CCN4: variants seen among roughly 807,000 people sequenced by gnomAD.
CCN4 encodes cellular communication network factor 4.
A neutral mutation model predicts 36.7 loss-of-function variants in CCN4; 30 were observed. The ratio of observed to expected loss-of-function variants is 0.82; its 90% CI spans 0.61 to 1.11. The LOEUF is 1.11. Ranked by LOEUF, CCN4 falls within the 50% of genes least tolerant of loss-of-function variation. The pLI, the probability that CCN4 is intolerant of heterozygous loss-of-function variation, is 0.00. For missense variants in CCN4, 505 were observed against 504.9 expected (o/e 1.00, Z 0.00); for synonymous variants, 191 against 195.4 (o/e 0.98, Z 0.19).
chr8:133,216,507 C>G (rs1218624166), intron 2 of CCN4, among the ~76,000 whole-genome samples: 1 of 152,148 alleles, frequency 6.6e-6, no homozygotes, highest in Non-Finnish European at 1.5e-5. Flanking sequence ...AATCCAGGTA[C>G]ATAGATTTGT....
chr8:133,227,031 G>T (rs1564268994), intron 4 of CCN4, among the ~76,000 whole-genome samples: 1 of 152,202 alleles, frequency 6.6e-6, no homozygotes, highest in Non-Finnish European at 1.5e-5. Context: ...TGAGTGTGGA[G>T]TCCCGATGCC....
At chr8:133,216,380 A>G (rs761158388) in intron 2 of CCN4, among the ~76,000 whole-genome samples, 1 of 152,148 alleles carries the variant, frequency 6.6e-6, no homozygotes, top group Non-Finnish European at 1.5e-5. Flanking sequence ...TATGATGGGG[A>G]CAATGGCAAT....
intron 1 of CCN4, among the ~76,000 whole-genome samples, chr8:133,202,036 A>C (rs759439278): frequency 1.3e-5 from 2 of 152,216 alleles, no homozygotes; most frequent in African/African-American, 4.8e-5. Flanking sequence ...ATTTGTGTAC[A>C]GTATTCAGTG....
At chr8:133,212,815 G>A (rs768508798) in intron 1 of CCN4, 49 bp from the exon 2 acceptor site, 1 of 1,434,706 alleles carries the variant, frequency 7.0e-7, no homozygotes, top group Non-Finnish European at 9.4e-7. Context: ...TTTGGGCGTT[G>A]AAACCCCTGT....
chr8:133,212,610 T>TG (rs958309340), intron 1 of CCN4, among the ~76,000 whole-genome samples: 2 of 152,032 alleles, frequency 1.3e-5, no homozygotes, highest in Admixed American at 6.5e-5. Flanking sequence ...GGGTCTGAGG[T>TG]GGAATTTGGG....
intron 1 of CCN4, among the ~76,000 whole-genome samples, chr8:133,197,095 T>C (rs997343899): frequency 4.0e-5 from 6 of 150,652 alleles, no homozygotes; most frequent in African/African-American, 7.4e-5. Context: ...ATGATGATGG[T>C]GGTGGTGGTG....
chr8:133,223,511 A>G (rs1231679888), intron 3 of CCN4, among the ~76,000 whole-genome samples: 1 of 151,896 alleles, frequency 6.6e-6, no homozygotes, highest in Non-Finnish European at 1.5e-5. Context: ...GAACTGACTT[A>G]CCTTTCCTCT....
At chr8:133,206,485 CT>C (rs78276681) in intron 1 of CCN4, among the ~76,000 whole-genome samples, 2 of 152,160 alleles carry the variant, frequency 1.3e-5, no homozygotes, top group African/African-American at 4.8e-5. Context: ...TCCCCCACTC[CT>C]TTTTTTGGGG....
At chr8:133,226,905 T>A (rs191630723) in intron 4 of CCN4, among the ~76,000 whole-genome samples, 1 of 152,236 alleles carries the variant, frequency 6.6e-6, no homozygotes, top group East Asian at 1.9e-4. Context: ...CATAGCCCAG[T>A]GGAAGGTAGC....
intron 1 of CCN4, among the ~76,000 whole-genome samples, chr8:133,207,992 C>CTTTTTTTTT (rs1162959238): frequency 1.2e-5 from 1 of 84,586 alleles, no homozygotes; most frequent in African/African-American, 3.4e-5. Flanking sequence ...TACCTTTCAG[C>CTTTTTTTTT]TGTTTTTTTT....
intron 1 of CCN4, among the ~76,000 whole-genome samples, chr8:133,204,505 A>T (rs1483353844): frequency 6.6e-6 from 1 of 152,254 alleles, no homozygotes; most frequent in Non-Finnish European, 1.5e-5. Context: ...TTGCTGGTCA[A>T]ACTGCTACGG....
chr8:133,191,241 G>T, intron 1 of CCN4, 28 bp downstream of exon 1: 1 of 1,597,384 alleles, frequency 6.3e-7, no homozygotes. Context: ...GGGCTCAGAG[G>T]GAGACCCAGC....
chr8:133,192,950 G>A (rs1853169255), intron 1 of CCN4, among the ~76,000 whole-genome samples: 1 of 152,192 alleles, frequency 6.6e-6, no homozygotes, highest in African/African-American at 2.4e-5. Context: ...ACCAGCACAA[G>A]GTACCTCTCT....
chr8:133,196,081 C>G (rs1355597814), intron 1 of CCN4, among the ~76,000 whole-genome samples: 1 of 152,238 alleles, frequency 6.6e-6, no homozygotes, highest in Non-Finnish European at 1.5e-5. Flanking sequence ...GCACAGCTGT[C>G]CCCTCATTCA....
intron 2 of CCN4, among the ~76,000 whole-genome samples, chr8:133,215,047 A>T (rs535492300): frequency 6.6e-6 from 1 of 152,330 alleles, no homozygotes; most frequent in South Asian, 2.1e-4. Context: ...TCTGTGAATA[A>T]CCATCCCACT....
Position 133,212,983 on chromosome 8 carries a change from G to A in CCN4, c.189G>A (p.Pro63=), listed in dbSNP as rs1236323552. The A allele has an allele frequency of 7.4e-6, 12 of 1,613,888 alleles. No individual in the cohort carries two copies. The highest frequency in any genetic ancestry group is 9.3e-6 in the Non-Finnish European group (11 of 1,179,982). The change falls in exon 2 of 5, where the codon CCG becomes CCA. Residue 63 remains proline (P), a synonymous_variant. Transcript: ENST00000250160. ...GCCCGCCATCCCCACCCCGCTGCCC[G>A]CTGGGGGTCAGCCTCATCACAGATG... ...CECPPSPPRC[P]LGVSLITDGC...
chr8:133,224,791 G>C (rs756388637), intron 3 of CCN4, among the ~76,000 whole-genome samples: 3 of 151,896 alleles, frequency 2.0e-5, no homozygotes, highest in Non-Finnish European at 2.9e-5. Context: ...AAAATTAGCC[G>C]GGCATGGTGG....
intron 1 of CCN4, among the ~76,000 whole-genome samples, chr8:133,197,206 T>C (rs1273235361): frequency 1.3e-5 from 2 of 152,098 alleles, no homozygotes; most frequent in East Asian, 1.9e-4. Context: ...CCTTTTTCCA[T>C]GGACCCCAAC....
chr8:133,220,885 G>A, intron 3 of CCN4, 44 bp downstream of exon 3: 1 of 1,564,488 alleles, frequency 6.4e-7, no homozygotes, highest in Non-Finnish European at 8.7e-7. Flanking sequence ...CCCTACAAAT[G>A]GGTTGTGGAC....
Sources: allele counts gnomAD v4.1 joint callset (sites outside exome capture counted in the v4.1 genomes callset), GRCh38; gene constraint gnomAD v4.1.1; transcripts MANE v1.5; gene names NCBI Gene and HGNC (gene_info 2026-07-23, HGNC 2026-07-21).